CCDC73: variants seen among roughly 807,000 people sequenced by gnomAD.
The protein encoded by CCDC73 is coiled-coil domain-containing protein 73.
A neutral mutation model predicts 116.5 loss-of-function variants in CCDC73; 95 were observed. That is an observed-to-expected ratio of 0.82 (90% CI 0.69 to 0.97). CCDC73 has a LOEUF of 0.97. CCDC73 is among the 50% of genes least tolerant of loss of function. The pLI is 0.00. For synonymous variants in CCDC73, 398 were observed against 401.3 expected (o/e 0.99, Z 0.10); for missense variants, 1,066 against 1,206.8 (o/e 0.88, Z 1.73).
At chr11:32,801,328 C>T in the CCDC73 span, among the ~76,000 whole-genome samples, 3 of 152,122 alleles carry the variant, frequency 2.0e-5, no homozygotes, top group South Asian at 4.1e-4. Context: ...TTCCCCAATC[C>T]ACATGGTGGG....
chr11:32,790,558 T>C (rs1850665793), intron 1 of CCDC73, among the ~76,000 whole-genome samples: 1 of 152,190 alleles, frequency 6.6e-6, no homozygotes, highest in Non-Finnish European at 1.5e-5. Context: ...TAAATTGCTA[T>C]AAATTATATA....
intron 1 of CCDC73, among the ~76,000 whole-genome samples, chr11:32,771,343 C>G (rs1374812158): frequency 7.9e-5 from 12 of 152,030 alleles, no homozygotes; most frequent in Admixed American, 6.6e-5. Context: ...GAGGTATGGC[C>G]AAGATGAAAA....
intron 2 of CCDC73, among the ~76,000 whole-genome samples, chr11:32,742,478 C>T (rs1477540547): frequency 6.6e-6 from 1 of 152,246 alleles, no homozygotes. Context: ...CTGTTCACAT[C>T]CTTTGCTCAT....
intron 2 of CCDC73, among the ~76,000 whole-genome samples, chr11:32,723,470 A>G (rs1850006901): frequency 1.3e-5 from 2 of 152,200 alleles, no homozygotes; most frequent in Admixed American, 6.6e-5. Context: ...TGAGAAACTG[A>G]GTTGAGCAAT....
At chr11:32,809,322 T>C in the CCDC73 span, among the ~76,000 whole-genome samples, 4 of 151,490 alleles carry the variant, frequency 2.6e-5, no homozygotes, top group African/African-American at 9.7e-5. Flanking sequence ...CATGGAGGAG[T>C]AGATCCAGAA....
chr11:32,737,086 C>G (rs969985276), intron 2 of CCDC73, among the ~76,000 whole-genome samples: 1 of 151,610 alleles, frequency 6.6e-6, no homozygotes, highest in Non-Finnish European at 1.5e-5. Flanking sequence ...CTTCACCTGG[C>G]TCTTTATTTT....
chr11:32,656,069 C>CTTTTA (rs1855868857), intron 9 of CCDC73, among the ~76,000 whole-genome samples: 2 of 124,716 alleles, frequency 1.6e-5, no homozygotes, highest in Admixed American at 1.5e-4. Context: ...GGCAGTTTTT[C>CTTTTA]TTTTCTTTTC....
At chr11:32,631,139 T>C (rs1368833445) in intron 14 of CCDC73, among the ~76,000 whole-genome samples, 1 of 152,194 alleles carries the variant, frequency 6.6e-6, no homozygotes, top group Non-Finnish European at 1.5e-5. Context: ...TGATTAAAGA[T>C]TTCAACATTC....
intron 6 of CCDC73, among the ~76,000 whole-genome samples, chr11:32,690,184 AT>A (rs1856241973): frequency 1.3e-5 from 2 of 152,312 alleles, no homozygotes; most frequent in East Asian, 1.9e-4. Context: ...TTCCCAAAAA[AT>A]ATATTAATTT....
intron 2 of CCDC73, among the ~76,000 whole-genome samples, chr11:32,737,573 G>A (rs190362323): frequency 2.7e-5 from 4 of 150,216 alleles, no homozygotes; most frequent in Non-Finnish European, 4.4e-5. Flanking sequence ...AGCCAAGATC[G>A]TGCCACTGCA....
chr11:32,702,191 A>G (rs1026958879), intron 4 of CCDC73, among the ~76,000 whole-genome samples: 8 of 152,250 alleles, frequency 5.3e-5, no homozygotes, highest in Admixed American at 4.6e-4. Flanking sequence ...GGAAAAAGGA[A>G]GAAAAAATAA....
the CCDC73 span, among the ~76,000 whole-genome samples, chr11:32,829,623 C>G: frequency 6.6e-6 from 1 of 152,244 alleles, no homozygotes; most frequent in Non-Finnish European, 1.5e-5. Flanking sequence ...AGCGAAAAGC[C>G]CTGGACGCGC....
intron 17 of CCDC73, among the ~76,000 whole-genome samples, chr11:32,607,593 A>C (rs1565054427): frequency 6.6e-6 from 1 of 152,124 alleles, no homozygotes. Context: ...TGATGCCCTC[A>C]AGCTTCATGT....
intron 2 of CCDC73, among the ~76,000 whole-genome samples, chr11:32,752,118 T>C (rs1268412565): frequency 3.9e-5 from 6 of 152,196 alleles, no homozygotes; most frequent in African/African-American, 1.2e-4. Flanking sequence ...AGAGGATCTG[T>C]TCTAAGAGAA....
intron 14 of CCDC73, among the ~76,000 whole-genome samples, chr11:32,634,923 T>C (rs1462286813): frequency 2.6e-5 from 4 of 152,160 alleles, no homozygotes; most frequent in African/African-American, 7.2e-5. Context: ...GGAGTTCATG[T>C]ACAGCCTGGA....
the CCDC73 span, among the ~76,000 whole-genome samples, chr11:32,823,785 G>C: frequency 4.6e-5 from 7 of 152,144 alleles, no homozygotes; most frequent in East Asian, 1.4e-3. Flanking sequence ...TATTGCCCAA[G>C]CTGGAGTGCA....
At chr11:32,615,139 C>T (rs1458095896) in intron 15 of CCDC73, among the ~76,000 whole-genome samples, 197 bp from the exon 16 acceptor site, 3 of 151,926 alleles carry the variant, frequency 2.0e-5, no homozygotes, top group Admixed American at 2.0e-4. Context: ...CTTTAGCATG[C>T]TAAATATTTG....
intron 6 of CCDC73, among the ~76,000 whole-genome samples, chr11:32,694,152 G>A (rs1248682699): frequency 6.6e-6 from 1 of 152,134 alleles, no homozygotes; most frequent in East Asian, 1.9e-4. Flanking sequence ...ACATGATTGT[G>A]TACTTAGAAA....
At chr11:32,757,973 CA>C (rs1850357972) in intron 2 of CCDC73, among the ~76,000 whole-genome samples, 1 of 152,178 alleles carries the variant, frequency 6.6e-6, no homozygotes, top group African/African-American at 2.4e-5. Flanking sequence ...CTGTCTACCA[CA>C]ATGGGTATAT....
Sources: allele counts gnomAD v4.1 joint callset (sites outside exome capture counted in the v4.1 genomes callset), GRCh38; gene constraint gnomAD v4.1.1; transcripts MANE v1.5; gene names NCBI Gene and HGNC (gene_info 2026-07-23, HGNC 2026-07-21).